Variants in PARD3B observed in about 807,000 individuals in gnomAD.
PARD3B encodes partitioning defective 3 homolog B.
In PARD3B, 103 loss-of-function variants were observed where a neutral mutation model predicts 130.2. The observed-to-expected ratio is 0.79, with a 90% confidence interval of 0.67 to 0.93. The LOEUF is 0.93. Among genes scored for constraint, PARD3B ranks in the 40% least tolerant of loss-of-function variants. The probability of loss-of-function intolerance (pLI) is 0.00; values close to 1 mark genes in which losing one functional copy is unlikely to be tolerated. For missense variants in PARD3B, 1,609 were observed against 1,499.2 expected (o/e 1.07, Z -1.21); for synonymous variants, 583 against 553.2 (o/e 1.05, Z -0.76).
intron 3 of PARD3B, among the ~76,000 whole-genome samples, chr2:204,995,006 C>A (rs1694033270): frequency 6.6e-6 from 1 of 151,038 alleles, no homozygotes; most frequent in South Asian, 2.1e-4. Context: ...CTGAATACAG[C>A]ACACTGATGG....
At position 205,229,401 on chromosome 2, in the gene PARD3B, T is replaced by G. The variant is rs1393130331; in HGVS notation, c.2141-16377T>G. On this transcript the variant is annotated intron_variant, in intron 15 of 22. Transcript: ENST00000406610. The surrounding 1 kb of genome is among the most constrained non-coding windows in gnomAD (Gnocchi z 5.2). ...CAGTAATGCTGTGACTCTTACAGAC[T>G]TGTAGAGGTGCCATGTTGGTGGTCT... Among the ~76,000 whole-genome samples the G allele has an allele frequency of 6.6e-6, 1 of 152,198 alleles. No individual in the cohort carries two copies. The highest frequency in any genetic ancestry group is 1.5e-5 in the Non-Finnish European group (1 of 68,018).
At chr2:205,025,484 A>G (rs958988316) in intron 3 of PARD3B, among the ~76,000 whole-genome samples, 2 of 152,156 alleles carry the variant, frequency 1.3e-5, no homozygotes, top group African/African-American at 2.4e-5. Context: ...GTGAGTCCCA[A>G]TTAGACAAAT....
At chr2:205,303,052 C>G (rs1002207939) in intron 18 of PARD3B, among the ~76,000 whole-genome samples, 10 of 152,040 alleles carry the variant, frequency 6.6e-5, no homozygotes, top group African/African-American at 2.4e-4. Context: ...TCTCAGCTTT[C>G]TGGCTGATAG....
At chr2:205,483,848 G>A (rs537730477) in intron 20 of PARD3B, among the ~76,000 whole-genome samples, 1 of 151,930 alleles carries the variant, frequency 6.6e-6, no homozygotes, top group Non-Finnish European at 1.5e-5. Context: ...TAGCTAGGGG[G>A]CAGTGGGCTT....
intron 2 of PARD3B, among the ~76,000 whole-genome samples, chr2:204,953,181 G>C (rs1689935483): frequency 6.6e-6 from 1 of 151,368 alleles, no homozygotes; most frequent in Admixed American, 6.6e-5. Context: ...CTTAGCATTG[G>C]GACTATGCAG....
chr2:204,595,106 G>A (rs2033229878), intron 1 of PARD3B, among the ~76,000 whole-genome samples: 1 of 152,158 alleles, frequency 6.6e-6, no homozygotes, highest in Non-Finnish European at 1.5e-5. Context: ...TATCCTGTTT[G>A]ACCCTTGGTG....
rs1339037157 is a variant in PARD3B, at chr2:205,591,588, A to G, written c.3261-23868A>G. Among the ~76,000 whole-genome samples, 1 of 152,198 alleles carries G rather than the reference A, an allele frequency of 6.6e-6. No individual in the cohort carries two copies. Among genetic ancestry groups the G allele is most frequent in the Non-Finnish European group, 1.5e-5 (1 of 68,022 alleles). ...AGAAACAGACTGTCTTACAGAGGAAACATTCGTTCATTGGAAACCCAGAAC... is the reference window on the plus strand; with the variant it reads ...AGAAACAGACTGTCTTACAGAGGAAGCATTCGTTCATTGGAAACCCAGAAC... On this transcript the variant is annotated intron_variant, in intron 22 of 22. Coordinates refer to ENST00000406610, the MANE Select transcript of PARD3B (RefSeq NM_001302769.2). The surrounding 1 kb of genome is among the most constrained non-coding windows in gnomAD (Gnocchi z 4.2).
intron 16 of PARD3B, among the ~76,000 whole-genome samples, chr2:205,250,196 A>G (rs2039778754): frequency 6.6e-6 from 1 of 151,966 alleles, no homozygotes; most frequent in Non-Finnish European, 1.5e-5. Flanking sequence ...GTTCAGACAG[A>G]AAGGGCTTAT....
chr2:204,596,626 T>C (rs1424514166), intron 1 of PARD3B, among the ~76,000 whole-genome samples: 1 of 152,112 alleles, frequency 6.6e-6, no homozygotes, highest in East Asian at 1.9e-4. Context: ...CTCCCAATAA[T>C]CTTTCATGTA....
chr2:205,253,303 C>A lies in PARD3B; in HGVS notation c.2185+7481C>A. ...AGTAAAATGTATTAACACAAAGGCT[C>A]TGGCCGCCCCCCTACAAAGGAGGCC... is the stretch of plus-strand genomic sequence containing the variant. On this transcript the variant is annotated intron_variant, in intron 16 of 22. Transcript: ENST00000406610. The surrounding 1 kb of genome is among the most constrained non-coding windows in gnomAD (Gnocchi z 4.4). 1 of 505,238 alleles carries A rather than the reference C, an allele frequency of 2.0e-6. No homozygotes were observed. Among genetic ancestry groups the A allele is most frequent in the South Asian group, 1.5e-5 (1 of 66,876 alleles). 31.3% of individuals were successfully genotyped at this position (505,238 alleles called of 1,614,324 possible). A position where few individuals can be genotyped will look rare whatever the true frequency, so the allele number is the denominator to read the frequency against.
chr2:205,073,771 G>A (rs1444658819), intron 4 of PARD3B, among the ~76,000 whole-genome samples: 1 of 152,126 alleles, frequency 6.6e-6, no homozygotes. Context: ...CTAGGCACAT[G>A]TATGACATCT....
chr2:205,470,426 C>A lies in PARD3B; in HGVS notation c.3045-29470C>A, dbSNP rs1044448950. ...GTTAACCACAGTGCCCATGTATCCA[C>A]TGTCAGATGACTCCCTCTGCTCACC... On this transcript the variant is annotated intron_variant, in intron 20 of 22. Coordinates refer to ENST00000406610, the MANE Select transcript of PARD3B (RefSeq NM_001302769.2). The surrounding 1 kb of genome is among the most constrained non-coding windows in gnomAD (Gnocchi z 4.8). Among the ~76,000 whole-genome samples the A allele has an allele frequency of 1.1e-4, 17 of 152,200 alleles. No individual in the cohort carries two copies. The highest frequency in any genetic ancestry group is 9.8e-4 in the Admixed American group (15 of 15,280).
intron 18 of PARD3B, among the ~76,000 whole-genome samples, chr2:205,313,457 A>G (rs1290173037): frequency 6.6e-6 from 1 of 152,188 alleles, no homozygotes; most frequent in Non-Finnish European, 1.5e-5. Flanking sequence ...TTGTTTTCAA[A>G]ATCATTTAAA....
At chr2:205,065,141 T>A (rs1272993866) in intron 4 of PARD3B, among the ~76,000 whole-genome samples, 1 of 152,202 alleles carries the variant, frequency 6.6e-6, no homozygotes, top group Admixed American at 6.5e-5. Context: ...CACAGGAAGA[T>A]GAGGTCAGCT....
At chr2:204,629,236 C>T (rs1164600242) in intron 1 of PARD3B, among the ~76,000 whole-genome samples, 1 of 152,126 alleles carries the variant, frequency 6.6e-6, no homozygotes, top group Non-Finnish European at 1.5e-5. Flanking sequence ...AAGATGACAT[C>T]CTTTGAAAAT....
chr2:204,624,234 T>C (rs1049950598), intron 1 of PARD3B, among the ~76,000 whole-genome samples: 5 of 152,162 alleles, frequency 3.3e-5, no homozygotes, highest in Non-Finnish European at 7.4e-5. Flanking sequence ...GAAGGACCTA[T>C]GAATATGGCC....
intron 21 of PARD3B, among the ~76,000 whole-genome samples, chr2:205,549,277 C>T (rs11898164): frequency 0.035 from 5,400 of 152,236 alleles, 331 homozygotes; most frequent in African/African-American, 0.12. Flanking sequence ...ATCCAGCAAT[C>T]GCCTTCCTTA....
intron 2 of PARD3B, among the ~76,000 whole-genome samples, chr2:204,827,091 G>A (rs1166523231): frequency 6.6e-6 from 1 of 152,128 alleles, no homozygotes; most frequent in Non-Finnish European, 1.5e-5. Context: ...GAGTTTTCTA[G>A]TGGTTGATCT....
intron 20 of PARD3B, among the ~76,000 whole-genome samples, chr2:205,468,461 C>T (rs1425334927): frequency 6.6e-6 from 1 of 152,208 alleles, no homozygotes; most frequent in Non-Finnish European, 1.5e-5. Flanking sequence ...GTAGTCTTCA[C>T]TTTATTAATT....
Sources: gnomAD v4.1 joint callset for allele counts (sites outside exome capture counted in the v4.1 genomes callset) on GRCh38, gnomAD v4.1.1 for gene constraint, Gnocchi (gnomAD v3.1) non-coding constraint, MANE v1.5 for transcripts, NCBI Gene and HGNC (gene_info 2026-07-23, HGNC 2026-07-21) for gene names.